The following NCOA2 variants were observed in gnomAD, a reference collection of about 807,000 sequenced individuals.
NCOA2 encodes the protein nuclear receptor coactivator 2.
Under a neutral mutation model 145.1 loss-of-function variants are expected in NCOA2, and 21 were observed. The observed-to-expected ratio is 0.14, with a 90% CI of 0.10 to 0.21. The LOEUF is 0.21. Among genes scored for constraint, NCOA2 ranks in the 10% least tolerant of loss-of-function variants. The pLI, the probability that NCOA2 is intolerant of heterozygous loss-of-function variation, is 1.00. For missense variants in NCOA2, 1,472 were observed against 1,837.6 expected (o/e 0.80, Z 3.64); for synonymous variants, 619 against 637.5 (o/e 0.97, Z 0.44).
At chr8:70,141,820 T>C (rs1165223320) in intron 13 of NCOA2, among the ~76,000 whole-genome samples, 8 of 152,324 alleles carry the variant, frequency 5.3e-5, no homozygotes, top group African/African-American at 1.4e-4. Context: ...ACGATAATCA[T>C]AGAAGATATC....
upstream of NCOA2, among the ~76,000 whole-genome samples, chr8:70,406,332 C>T (rs986443723): frequency 1.3e-5 from 2 of 152,048 alleles, no homozygotes; most frequent in Non-Finnish European, 2.9e-5. Flanking sequence ...GACCTCAGAA[C>T]AATTGTTTAT....
chr8:70,308,134 G>A (rs1828034024), intron 1 of NCOA2, among the ~76,000 whole-genome samples: 1 of 152,016 alleles, frequency 6.6e-6, no homozygotes, highest in Admixed American at 6.6e-5. Context: ...AAAGAACAAA[G>A]TCTTTTAAAA....
intron 9 of NCOA2, among the ~76,000 whole-genome samples, chr8:70,161,463 T>C (rs1812991282): frequency 6.6e-6 from 1 of 152,160 alleles, no homozygotes; most frequent in Admixed American, 6.6e-5. Context: ...AGACACAAGT[T>C]GTTGGATTAT....
chr8:70,236,059 GC>G (rs1049643666), intron 2 of NCOA2, among the ~76,000 whole-genome samples: 3 of 151,608 alleles, frequency 2.0e-5, no homozygotes, highest in Non-Finnish European at 4.4e-5. Context: ...TTTATTCCCC[GC>G]CCCCAAAATG....
Position 70,111,994 on chromosome 8 carries a change from T to C in NCOA2, c.*1638A>G, listed in dbSNP as rs1451789271. The C allele has an allele frequency of 2.7e-5, 6 of 219,288 alleles. No homozygotes were observed. The East Asian group carries it at 4.0e-4, about 15-fold the overall frequency. 13.6% of individuals were successfully genotyped at this position (219,288 alleles called of 1,614,324 possible). A position where few individuals can be genotyped will look rare whatever the true frequency, so the allele number is the denominator to read the frequency against. On this transcript the variant is annotated 3_prime_UTR_variant, in exon 23 of 23. Coordinates refer to ENST00000452400, the MANE Select transcript of NCOA2 (RefSeq NM_006540.4). ...ATTGGAGTTGTCTGAAACTGACACC[T>C]ATTAATAAAAGATTTTTCCCCTACC...
At chr8:70,206,736 C>G (rs1818482326) in intron 4 of NCOA2, among the ~76,000 whole-genome samples, 1 of 152,178 alleles carries the variant, frequency 6.6e-6, no homozygotes, top group Non-Finnish European at 1.5e-5. Flanking sequence ...AGCCTCAAAT[C>G]CAACCAAGTG....
chr8:70,246,815 T>C (rs1822669436), intron 2 of NCOA2, among the ~76,000 whole-genome samples: 1 of 152,140 alleles, frequency 6.6e-6, no homozygotes, highest in South Asian at 2.1e-4. Flanking sequence ...ATACATTAAT[T>C]TTCTTTTGTG....
chr8:70,437,408 A>G, the NCOA2 span, among the ~76,000 whole-genome samples: 1 of 152,220 alleles, frequency 6.6e-6, no homozygotes, highest in Non-Finnish European at 1.5e-5. Flanking sequence ...AATGTCTGAC[A>G]CCTACCAGGT....
intron 10 of NCOA2, among the ~76,000 whole-genome samples, chr8:70,159,242 A>ATATATATATATATATATATATTTTT: frequency 1.6e-5 from 1 of 61,076 alleles, no homozygotes; most frequent in African/African-American, 5.4e-5. Flanking sequence ...ATATATATAT[A>ATATATATATATATATATATATTTTT]TTTTTTTTTT....
At chr8:70,282,156 G>A (rs1825932672) in intron 2 of NCOA2, among the ~76,000 whole-genome samples, 1 of 152,062 alleles carries the variant, frequency 6.6e-6, no homozygotes, top group Non-Finnish European at 1.5e-5. Flanking sequence ...CAATTTAACA[G>A]CAATGTAAGA....
At chr8:70,163,738 AGGTG>A (rs1813312792) in intron 7 of NCOA2, among the ~76,000 whole-genome samples, 172 bp from the exon 8 acceptor site, 1 of 152,174 alleles carries the variant, frequency 6.6e-6, no homozygotes, top group South Asian at 2.1e-4. Flanking sequence ...TGAAAGTGGT[AGGTG>A]GGTAAGGGAG....
intron 1 of NCOA2, among the ~76,000 whole-genome samples, chr8:70,329,801 A>G (rs1231546109): frequency 6.6e-6 from 1 of 152,232 alleles, no homozygotes; most frequent in Admixed American, 6.5e-5. Context: ...AATGCACAGC[A>G]AAGAAGCCTG....
chr8:70,370,113 G>A (rs1388142123), intron 1 of NCOA2, among the ~76,000 whole-genome samples: 1 of 152,018 alleles, frequency 6.6e-6, no homozygotes, highest in Non-Finnish European at 1.5e-5. Flanking sequence ...TCAAACTCCT[G>A]GGCTCAAGCA....
the NCOA2 span, among the ~76,000 whole-genome samples, chr8:70,431,859 A>T: frequency 6.6e-6 from 1 of 152,248 alleles, no homozygotes; most frequent in African/African-American, 2.4e-5. Context: ...ACAATTTACT[A>T]AAATATTTTT....
At chr8:70,407,776 C>T (rs540734821), upstream of NCOA2, among the ~76,000 whole-genome samples, 4 of 152,162 alleles carry the variant, frequency 2.6e-5, no homozygotes, top group Admixed American at 2.6e-4. Context: ...AGCCTGGTGA[C>T]AGAGCAAGAC....
chr8:70,118,451 T>C (rs576326738), intron 22 of NCOA2, among the ~76,000 whole-genome samples: 1 of 152,134 alleles, frequency 6.6e-6, no homozygotes, highest in Non-Finnish European at 1.5e-5. Context: ...TCTAGGTATA[T>C]ACAGACAACA....
chr8:70,354,419 G>A (rs16936937), intron 1 of NCOA2, among the ~76,000 whole-genome samples: 6,903 of 152,246 alleles, frequency 0.045, 259 homozygotes, highest in East Asian at 0.16. Flanking sequence ...TTCCCCCGAA[G>A]ATAGTTCTAA....
intron 1 of NCOA2, among the ~76,000 whole-genome samples, chr8:70,381,305 A>G (rs1812171246): frequency 6.6e-6 from 1 of 152,198 alleles, no homozygotes; most frequent in South Asian, 2.1e-4. Flanking sequence ...AAACAGCGTA[A>G]TAACAACAGA....
In NCOA2 at chr8:70,124,899, G is replaced by C. The variant is rs781598274; in HGVS notation, c.3917-34C>G. 1.9e-6 allele frequency: 3 copies of C among 1,541,930 alleles called. No homozygotes were observed. The Admixed American group carries it at 6.5e-5, about 33-fold the overall frequency. On this transcript the variant is annotated intron_variant, in intron 19 of 22. Transcript: ENST00000452400. ...AAAAAACAGAAACAGAAATCCAAAA[G>C]AGACTGTTAGTTATATTGTAGAGAC...
Sources: allele counts gnomAD v4.1 joint callset (sites outside exome capture counted in the v4.1 genomes callset), GRCh38; gene constraint gnomAD v4.1.1; transcripts MANE v1.5; gene names NCBI Gene and HGNC (gene_info 2026-07-23, HGNC 2026-07-21).